The following CCDC30 variants were observed in gnomAD, a reference collection of about 807,000 sequenced individuals.
The protein encoded by CCDC30 is coiled-coil domain-containing protein 30.
CCDC30 carries 70 observed loss-of-function variants against 100.2 expected under a neutral mutation model. The ratio of observed to expected loss-of-function variants is 0.70; its 90% CI spans 0.58 to 0.85. CCDC30 has a LOEUF of 0.85. Ranked by LOEUF, CCDC30 falls within the 40% of genes least tolerant of loss-of-function variation. The probability of loss-of-function intolerance (pLI) is 0.00; values close to 1 mark genes in which losing one functional copy is unlikely to be tolerated. For missense variants in CCDC30, 652 were observed against 771.2 expected (o/e 0.85, Z 1.83); for synonymous variants, 233 against 269.5 (o/e 0.86, Z 1.33).
At chr1:42,467,001 A>C (rs769452841) in intron 1 of CCDC30, among the ~76,000 whole-genome samples, 9 of 152,184 alleles carry the variant, frequency 5.9e-5, no homozygotes, top group Non-Finnish European at 1.2e-4. Flanking sequence ...CCACTGGGAA[A>C]ATGTTTGTTT....
At chr1:42,560,987 C>G (rs1645474932) in intron 6 of CCDC30, among the ~76,000 whole-genome samples, 2 of 152,028 alleles carry the variant, frequency 1.3e-5, no homozygotes, top group Non-Finnish European at 1.5e-5. Context: ...CAAAAAGAGC[C>G]CAGGACCAGA....
At chr1:42,559,094 G>T (rs552638299) in intron 6 of CCDC30, among the ~76,000 whole-genome samples, 1 of 152,284 alleles carries the variant, frequency 6.6e-6, no homozygotes, top group Admixed American at 6.5e-5. Context: ...AGCAAATGCT[G>T]AGGGATTTCA....
At chr1:42,513,412 A>G (rs1463688072) in intron 6 of CCDC30, among the ~76,000 whole-genome samples, 2 of 152,184 alleles carry the variant, frequency 1.3e-5, no homozygotes, top group African/African-American at 4.8e-5. Context: ...TGATCTTAAT[A>G]TGCAAATGGG....
At chr1:42,635,234 C>T (rs1038571081) in intron 11 of CCDC30, among the ~76,000 whole-genome samples, 23 of 152,030 alleles carry the variant, frequency 1.5e-4, no homozygotes, top group African/African-American at 4.3e-4. Context: ...TTAGTAGAGA[C>T]GGGGTTTCAT....
Position 42,581,216 on chromosome 1 carries a change from A to G in CCDC30, c.847-144A>G. 9.3e-6 allele frequency: 6 copies of G among 642,348 alleles called. No homozygotes were observed. In the South Asian group the frequency reaches 1.3e-4, roughly 14 times the overall value. 39.8% of individuals were successfully genotyped at this position (642,348 alleles called of 1,614,324 possible). A position where few individuals can be genotyped will look rare whatever the true frequency, so the allele number is the denominator to read the frequency against. ...TGCAAAAATTAAACAATTTATTTTA[A>G]AATTAAATCTAGCTACTCTTTTTAC... On this transcript the variant is annotated intron_variant, in intron 8 of 16. Coordinates refer to ENST00000668663, the Ensembl canonical transcript of CCDC30.
chr1:42,532,806 G>T (rs1569938241), intron 6 of CCDC30, among the ~76,000 whole-genome samples: 1 of 151,978 alleles, frequency 6.6e-6, no homozygotes, highest in African/African-American at 2.4e-5. Flanking sequence ...TCCCTCTGTC[G>T]CCCAGGCTGG....
chr1:42,605,089 C>T (rs187445958), intron 10 of CCDC30, among the ~76,000 whole-genome samples: 1 of 152,284 alleles, frequency 6.6e-6, no homozygotes, highest in East Asian at 1.9e-4. Flanking sequence ...GGCCCAATTT[C>T]CTACTAACAT....
chr1:42,641,731 G>A (rs1016886807), intron 12 of CCDC30, among the ~76,000 whole-genome samples: 4 of 152,166 alleles, frequency 2.6e-5, no homozygotes, highest in Non-Finnish European at 4.4e-5. Context: ...GCTGGGTATG[G>A]TAGTGGATGC....
At position 42,510,444 on chromosome 1, in the gene CCDC30, G is replaced by T. The variant is rs186259579; in HGVS notation, c.456+11528G>T. On this transcript the variant is annotated intron_variant, in intron 6 of 16. Transcript: ENST00000668663. ...GGGGCCAAGGTGGGCAGATCACGAG[G>T]TCAGGAGATCAAGACCATCCTTGCC... Among the ~76,000 whole-genome samples, 146 of 152,202 alleles carry T rather than the reference G, an allele frequency of 9.6e-4. 2 individuals are homozygous for T. In the South Asian group the frequency reaches 0.022, roughly 22 times the overall value.
At chr1:42,624,263 G>T (rs990326123) in intron 11 of CCDC30, among the ~76,000 whole-genome samples, 1 of 152,110 alleles carries the variant, frequency 6.6e-6, no homozygotes, top group African/African-American at 2.4e-5. Context: ...ATCATGAAAG[G>T]ATGTTGAATT....
chr1:42,552,640 G>A (rs1337809739), intron 6 of CCDC30, among the ~76,000 whole-genome samples: 1 of 152,152 alleles, frequency 6.6e-6, no homozygotes, highest in Non-Finnish European at 1.5e-5. Context: ...ATTGCAGGAG[G>A]AAGGGTTCCT....
intron 14 of CCDC30, among the ~76,000 whole-genome samples, chr1:42,645,250 C>T (rs760225601): frequency 1.3e-5 from 2 of 151,926 alleles, no homozygotes; most frequent in African/African-American, 4.8e-5. Context: ...CACTGTTTGC[C>T]ATGTATGATT....
In CCDC30 at chr1:42,562,987, T is replaced by C. The variant is rs182047631; in HGVS notation, c.457-3309T>C. 1.3e-3 allele frequency among the ~76,000 whole-genome samples: 198 copies of C among 152,248 alleles called. 1 individual carries two copies. The highest frequency in any genetic ancestry group is 4.6e-3 in the African/African-American group (192 of 41,572). ...TGACGAGGCTGTGGAGAAATAGGAATGCTTTTACATTGTTGGTGGGAATGT... is the reference window on the plus strand; with the variant it reads ...TGACGAGGCTGTGGAGAAATAGGAACGCTTTTACATTGTTGGTGGGAATGT... On this transcript the variant is annotated intron_variant, in intron 6 of 16. Transcript: ENST00000668663.
intron 12 of CCDC30, among the ~76,000 whole-genome samples, chr1:42,639,103 T>A (rs1445957430): frequency 6.6e-6 from 1 of 152,182 alleles, no homozygotes; most frequent in Non-Finnish European, 1.5e-5. Flanking sequence ...CTCAAATTCA[T>A]GTCCTAGAAC....
chr1:42,605,780 C>T (rs1444857056), intron 10 of CCDC30, among the ~76,000 whole-genome samples: 5 of 152,122 alleles, frequency 3.3e-5, no homozygotes, highest in African/African-American at 1.2e-4. Context: ...AGCCACTGCA[C>T]CTGGCCCAAA....
the CCDC30 span, chr1:42,457,460 G>A: frequency 8.7e-6 from 8 of 915,130 alleles, no homozygotes; most frequent in Non-Finnish European, 1.4e-5. Flanking sequence ...AGGCACAGGG[G>A]ATACAGAGAT....
At chr1:42,609,062 T>C (rs2148638346) in intron 10 of CCDC30, among the ~76,000 whole-genome samples, 1 of 152,274 alleles carries the variant, frequency 6.6e-6, no homozygotes, top group South Asian at 2.1e-4. Flanking sequence ...AAAGTCAAAT[T>C]ACAGTGTATT....
intron 1 of CCDC30, among the ~76,000 whole-genome samples, chr1:42,475,945 A>C (rs1643876805): frequency 6.6e-6 from 1 of 152,168 alleles, no homozygotes; most frequent in African/African-American, 2.4e-5. Context: ...GATTAACAGG[A>C]GAAAAGCATA....
exon 4 of CCDC30, chr1:42,490,165 A>G (rs1644115242): frequency 8.5e-7 from 1 of 1,175,780 alleles, no homozygotes; most frequent in South Asian, 4.3e-5. Context: ...TAGATTCTGC[A>G]CTTAAGAAGG....
Sources: allele counts gnomAD v4.1 joint callset (sites outside exome capture counted in the v4.1 genomes callset), GRCh38; gene constraint gnomAD v4.1.1; transcripts MANE v1.5; gene names NCBI Gene and HGNC (gene_info 2026-07-23, HGNC 2026-07-21).